The following SETBP1 variants were observed in gnomAD, a reference collection of about 807,000 sequenced individuals.
SETBP1 encodes the protein SET-binding protein.
In SETBP1, 9 loss-of-function variants were observed where a neutral mutation model predicts 101.0. That is an observed-to-expected ratio of 0.09 (90% CI 0.05 to 0.16). The LOEUF (loss-of-function observed/expected upper bound fraction) is 0.16. Among genes scored for constraint, SETBP1 ranks in the 10% least tolerant of loss-of-function variants. The probability of loss-of-function intolerance (pLI) is 1.00; values close to 1 mark genes in which losing one functional copy is unlikely to be tolerated. For synonymous variants in SETBP1, 818 were observed against 788.5 expected, an observed-to-expected ratio of 1.04 and a Z score of -0.63; for missense variants, 1,858 against 2,033.8, an observed-to-expected ratio of 0.91 and a Z score of 1.66.
intron 4 of SETBP1, among the ~76,000 whole-genome samples, chr18:44,970,557 C>T (rs2071823090): frequency 6.6e-6 from 1 of 151,978 alleles, no homozygotes; most frequent in Admixed American, 6.6e-5. Context: ...AATGCACAGG[C>T]CTTTTTTTTT....
intron 3 of SETBP1, among the ~76,000 whole-genome samples, chr18:44,893,709 G>GA (rs1454111101): frequency 6.6e-6 from 1 of 151,820 alleles, no homozygotes; most frequent in Non-Finnish European, 1.5e-5. Flanking sequence ...CAAGAGAAAG[G>GA]AAAAAAGAAA....
At chr18:44,860,327 G>A (rs1341009709) in intron 2 of SETBP1, among the ~76,000 whole-genome samples, 1 of 152,194 alleles carries the variant, frequency 6.6e-6, no homozygotes, top group Non-Finnish European at 1.5e-5. Context: ...GGAAGGAAAG[G>A]ACCTACAACC....
chr18:45,048,466 T>C (rs2073655354), intron 5 of SETBP1, among the ~76,000 whole-genome samples: 1 of 152,218 alleles, frequency 6.6e-6, no homozygotes, highest in Non-Finnish European at 1.5e-5. Context: ...ATAATATCCA[T>C]TAACTATCCT....
Position 44,869,287 on chromosome 18 carries a change from A to C in SETBP1, c.540+4A>C, listed in dbSNP as rs1375360352. On this transcript the variant is annotated splice_donor_region_variant and intron_variant, in intron 3 of 5. Coordinates refer to ENST00000649279, the MANE Select transcript of SETBP1 (RefSeq NM_015559.3). Reference sequence around the variant, plus strand: ...CCTCAAAGGATTTCAGCCACAGGTAAGTTCCACTGATGCTTTTAAGAAGTT... The same window carrying C: ...CCTCAAAGGATTTCAGCCACAGGTACGTTCCACTGATGCTTTTAAGAAGTT... 5 of 1,613,642 alleles carry C rather than the reference A, an allele frequency of 3.1e-6. No homozygotes were observed. The highest frequency in any genetic ancestry group is 1.7e-5 in the Admixed American group (1 of 60,018).
chr18:44,702,427 A>G (rs1281034582), intron 2 of SETBP1, among the ~76,000 whole-genome samples: 1 of 152,222 alleles, frequency 6.6e-6, no homozygotes, highest in East Asian at 1.9e-4. Context: ...CACCTCTGCT[A>G]TAATCTTGGT....
chr18:44,870,455 A>AG (rs928446736), intron 3 of SETBP1: 118 of 152,356 alleles, frequency 7.7e-4, no homozygotes, highest in African/African-American at 2.7e-3. Context: ...TTCGCACACC[A>AG]GTGTGGGGTG....
intron 4 of SETBP1, among the ~76,000 whole-genome samples, chr18:45,030,924 A>G (rs2073283588): frequency 6.6e-6 from 1 of 151,932 alleles, no homozygotes; most frequent in Non-Finnish European, 1.5e-5. Flanking sequence ...TAGTCTTGCT[A>G]GCAGTCTATC....
intron 2 of SETBP1, among the ~76,000 whole-genome samples, chr18:44,780,482 C>T (rs2071104481): frequency 6.6e-6 from 1 of 152,202 alleles, no homozygotes; most frequent in Non-Finnish European, 1.5e-5. Flanking sequence ...TACTTTAGGA[C>T]ATGCTCATTT....
intron 2 of SETBP1, among the ~76,000 whole-genome samples, chr18:44,717,810 A>G (rs952930373): frequency 7.2e-5 from 11 of 152,194 alleles, no homozygotes; most frequent in African/African-American, 2.4e-4. Context: ...AAACAAAGAT[A>G]AGAGAAAGAC....
At chr18:44,922,307 T>C (rs1057336573) in intron 3 of SETBP1, among the ~76,000 whole-genome samples, 8 of 152,216 alleles carry the variant, frequency 5.3e-5, no homozygotes, top group African/African-American at 1.9e-4. Flanking sequence ...GGTAAGTAAG[T>C]TGCCCCAAAT....
chr18:44,681,417 C>T (rs2068757151), intron 1 of SETBP1, among the ~76,000 whole-genome samples: 1 of 152,164 alleles, frequency 6.6e-6, no homozygotes, highest in South Asian at 2.1e-4. Flanking sequence ...ATGCTGTTTT[C>T]AGTGTCTGTT....
intron 2 of SETBP1, among the ~76,000 whole-genome samples, chr18:44,824,462 A>G (rs962994118): frequency 1.3e-5 from 2 of 152,186 alleles, no homozygotes; most frequent in Non-Finnish European, 2.9e-5. Context: ...GTAAGGGTCC[A>G]CATTAAAATT....
chr18:44,962,699 C>T (rs9955044), intron 4 of SETBP1, among the ~76,000 whole-genome samples: 7,224 of 152,240 alleles, frequency 0.047, 596 homozygotes, highest in African/African-American at 0.16. Flanking sequence ...ATACTGGTAT[C>T]TGTCCTGTTA....
In SETBP1 at chr18:44,718,476, AAGAGAG is replaced by A. The variant is rs34880717; in HGVS notation, c.486+16657_486+16662del. Among the ~76,000 whole-genome samples the A allele has an allele frequency of 8.5e-4, 128 of 150,334 alleles. 1 individual carries two copies. Among genetic ancestry groups the A allele is most frequent in the African/African-American group, 3.0e-3 (124 of 41,086 alleles). On this transcript the variant is annotated intron_variant, in intron 2 of 5. Coordinates refer to ENST00000649279, the MANE Select transcript of SETBP1 (RefSeq NM_015559.3). ...GTCTGAGAAAGATGTCCTAGTAGCA[AAGAGAG>A]AGAGAGAGAGAGCTAAGCTGAATGG...
intron 3 of SETBP1, among the ~76,000 whole-genome samples, chr18:44,897,750 T>C (rs542407640): frequency 6.6e-6 from 1 of 152,250 alleles, no homozygotes; most frequent in Admixed American, 6.5e-5. Flanking sequence ...GGCCATCTTT[T>C]TAGATGGAGG....
intron 2 of SETBP1, among the ~76,000 whole-genome samples, chr18:44,803,707 T>G (rs1205436173): frequency 2.0e-5 from 3 of 152,176 alleles, no homozygotes; most frequent in Non-Finnish European, 4.4e-5. Context: ...TGTATTCTTT[T>G]CTCTTCACCT....
intron 2 of SETBP1, among the ~76,000 whole-genome samples, chr18:44,773,580 A>C (rs2070921920): frequency 6.6e-6 from 1 of 152,170 alleles, no homozygotes. Flanking sequence ...TCTTGCTCCT[A>C]GAATATAGAG....
chr18:44,949,739 T>G lies in SETBP1; in HGVS notation c.541-142T>G, dbSNP rs1350591369. 8 of 708,866 alleles carry G rather than the reference T, an allele frequency of 1.1e-5. No homozygotes were observed. The East Asian group carries it at 2.2e-4, about 19-fold the overall frequency. 43.9% of individuals were successfully genotyped at this position (708,866 alleles called of 1,614,324 possible). On this transcript the variant is annotated intron_variant, in intron 3 of 5. Coordinates refer to ENST00000649279, the MANE Select transcript of SETBP1 (RefSeq NM_015559.3). ...AAACCTCTGTAAGACATTCTAAAAT[T>G]AAAGGTGGCTGTTCATTTCGGTATT...
In SETBP1 at chr18:44,950,405, C is replaced by G. The variant is rs758724587; in HGVS notation, c.1065C>G (p.Val355=). The change falls in exon 4 of 6, where the codon GTC becomes GTG. Residue 355 remains valine (V), a synonymous_variant. Transcript: ENST00000649279. Reference sequence around the variant, plus strand: ...TACCAAACCCAGACCTGGATTGGGTCAAGAATGCCCAGAAAGCATTTGACA... The same window carrying G: ...TACCAAACCCAGACCTGGATTGGGTGAAGAATGCCCAGAAAGCATTTGACA... ...QTIPNPDLDW[V]KNAQKAFDNT... is the part of the protein sequence containing the mutation. 6.2e-7 allele frequency: 1 copy of G among 1,614,086 alleles called. No homozygotes were observed. The highest frequency in any genetic ancestry group is 8.5e-7 in the Non-Finnish European group (1 of 1,180,032).
Sources: gnomAD v4.1 joint callset for allele counts (sites outside exome capture counted in the v4.1 genomes callset) on GRCh38, gnomAD v4.1.1 for gene constraint, MANE v1.5 for transcripts, NCBI Gene and HGNC (gene_info 2026-07-23, HGNC 2026-07-21) for gene names.